GGTA1: variants seen among roughly 807,000 people sequenced by gnomAD.
GGTA1 encodes glycoprotein alpha-galactosyltransferase 1 (inactive), also known as inactive N-acetyllactosaminide alpha-1,3-galactosyltransferase.
Under a neutral mutation model 2.6 loss-of-function variants are expected in GGTA1, and 5 were observed. The observed-to-expected ratio is 1.92, with a 90% CI of 1.00 to 4.04. The LOEUF is 4.04. Ranked by LOEUF, GGTA1 falls within the 30% of genes most tolerant of loss-of-function variation. GGTA1 has a pLI of 0.00. For synonymous variants in GGTA1, 17 were observed against 5.0 expected, an observed-to-expected ratio of 3.38 and a Z score of -3.19; for missense variants, 50 against 16.7, an observed-to-expected ratio of 2.99 and a Z score of -3.47.
intron 3 of GGTA1, among the ~76,000 whole-genome samples, chr9:121,462,470 G>A (rs2064969340): frequency 6.6e-6 from 1 of 152,182 alleles, no homozygotes; most frequent in African/African-American, 2.4e-5. Flanking sequence ...CTGTTTTAAA[G>A]CCTATTAACT....
chr9:121,486,482 A>C (rs999095051), intron 1 of GGTA1, among the ~76,000 whole-genome samples: 2 of 152,224 alleles, frequency 1.3e-5, no homozygotes, highest in Admixed American at 6.5e-5. Flanking sequence ...GTCTGGACCC[A>C]GTGAGCCTAG....
intron 2 of GGTA1, among the ~76,000 whole-genome samples, chr9:121,465,210 C>T (rs1019219504): frequency 6.6e-6 from 1 of 152,198 alleles, no homozygotes; most frequent in African/African-American, 2.4e-5. Context: ...GCCTTTGGCT[C>T]AGTTATGCAC....
intron 1 of GGTA1, among the ~76,000 whole-genome samples, chr9:121,495,913 A>G (rs1828982531): frequency 6.6e-6 from 1 of 152,230 alleles, no homozygotes; most frequent in South Asian, 2.1e-4. Context: ...TTGGGCAGTT[A>G]AACATGTGAA....
At chr9:121,457,503 A>G (rs1815676) in intron 5 of GGTA1, among the ~76,000 whole-genome samples, 142,923 of 151,964 alleles carry the variant, frequency 0.94, 67,568 homozygotes, top group Non-Finnish European at 0.99. Context: ...GATTGAGACC[A>G]CCCTGGCTAA....
chr9:121,475,127 A>G (rs1052186370), intron 1 of GGTA1, among the ~76,000 whole-genome samples: 1 of 152,184 alleles, frequency 6.6e-6, no homozygotes, highest in Non-Finnish European at 1.5e-5. Flanking sequence ...GATACATGTC[A>G]TAAAGACCTT....
intron 1 of GGTA1, among the ~76,000 whole-genome samples, chr9:121,469,187 G>T (rs560556514): frequency 6.6e-6 from 1 of 152,336 alleles, no homozygotes; most frequent in East Asian, 1.9e-4. Context: ...GGTGATCAGG[G>T]AAGGCTCACT....
chr9:121,487,127 G>A (rs1041884236), intron 1 of GGTA1, among the ~76,000 whole-genome samples: 2 of 152,160 alleles, frequency 1.3e-5, no homozygotes, highest in Non-Finnish European at 2.9e-5. Context: ...GCCACCAGCT[G>A]CACCCAGATT....
At chr9:121,453,682 A>G (rs1022719773), downstream of GGTA1, among the ~76,000 whole-genome samples, 10 of 152,196 alleles carry the variant, frequency 6.6e-5, no homozygotes, top group Non-Finnish European at 1.5e-4. Flanking sequence ...GGTGATCCCT[A>G]CTGGCTGCAC....
intron 1 of GGTA1, among the ~76,000 whole-genome samples, chr9:121,497,602 C>T (rs561965876): frequency 3.9e-5 from 6 of 152,114 alleles, no homozygotes; most frequent in Middle Eastern, 3.4e-3. Context: ...GAAGGCTGGA[C>T]GAAGGCAGGG....
At chr9:121,457,943 T>C (rs1336631805) in intron 5 of GGTA1, among the ~76,000 whole-genome samples, 1 of 149,644 alleles carries the variant, frequency 6.7e-6, no homozygotes, top group Non-Finnish European at 1.5e-5. Context: ...AGAGTTTCGC[T>C]TTGTTGCCCA....
At chr9:121,446,410 C>T (rs1199226631) in exon 8 of GGTA1, 1 of 152,264 alleles carries the variant, frequency 6.6e-6, no homozygotes, top group Non-Finnish European at 1.5e-5. Flanking sequence ...TACAGATGGT[C>T]TGAAGCAATC....
intron 4 of GGTA1, among the ~76,000 whole-genome samples, chr9:121,460,470 G>A (rs1439567717): frequency 6.6e-6 from 1 of 152,112 alleles, no homozygotes; most frequent in Non-Finnish European, 1.5e-5. Flanking sequence ...CAACCCTCAG[G>A]TTATTTCAGG....
At chr9:121,465,415 G>A (rs1008378227) in intron 2 of GGTA1, among the ~76,000 whole-genome samples, 1 of 152,228 alleles carries the variant, frequency 6.6e-6, no homozygotes, top group Non-Finnish European at 1.5e-5. Flanking sequence ...CTCTGGAGCA[G>A]ATCATGATGA....
intron 1 of GGTA1, among the ~76,000 whole-genome samples, chr9:121,481,638 C>T (rs1437895337): frequency 7.8e-6 from 1 of 128,210 alleles, no homozygotes; most frequent in Non-Finnish European, 1.6e-5. Flanking sequence ...GCCAAGATTG[C>T]GCCACTGCTC....
rs1554835873 is a variant in GGTA1, at chr9:121,449,859, A to AG, written c.*119-2263dup. Among the ~76,000 whole-genome samples, 1,020 of 133,344 alleles carry AG rather than the reference A, an allele frequency of 7.6e-3. 13 individuals carry two copies. Among genetic ancestry groups the AG allele is most frequent in the African/African-American group, 0.026 (968 of 36,914 alleles). The allele number at this position is 133,344 out of a possible 152,430, so 87.5% of individuals were successfully genotyped here. ...CATCTCAAAAAAAAAAAAAAAAAAA[A>AG]GAAGAAGAAGAAGAAAAGAAAAACA... On this transcript the variant is annotated intron_variant and NMD_transcript_variant, in intron 7 of 7. Transcript: ENST00000481534.
intron 5 of GGTA1, among the ~76,000 whole-genome samples, chr9:121,458,662 A>AAATG (rs1370782445): frequency 2.8e-5 from 4 of 145,274 alleles, no homozygotes; most frequent in Non-Finnish European, 6.1e-5. Flanking sequence ...ATAAATAAAT[A>AAATG]AAGGATAAGA....
intron 1 of GGTA1, among the ~76,000 whole-genome samples, chr9:121,486,518 A>C (rs966472282): frequency 6.6e-6 from 1 of 152,182 alleles, no homozygotes; most frequent in Admixed American, 6.5e-5. Context: ...CCTCTGGGCC[A>C]GGGTTTCCCA....
chr9:121,473,360 C>T (rs534870605), intron 1 of GGTA1, among the ~76,000 whole-genome samples: 27 of 151,004 alleles, frequency 1.8e-4, no homozygotes, highest in South Asian at 1.1e-3. Flanking sequence ...GGAAGCCGTC[C>T]GAACGAGCCA....
At chr9:121,473,433 C>A (rs1262050954) in intron 1 of GGTA1, among the ~76,000 whole-genome samples, 1 of 152,008 alleles carries the variant, frequency 6.6e-6, no homozygotes, top group Non-Finnish European at 1.5e-5. Flanking sequence ...AATCTGGAAT[C>A]CAAGCCTCCA....
Sources: allele counts gnomAD v4.1 joint callset (sites outside exome capture counted in the v4.1 genomes callset), GRCh38; gene constraint gnomAD v4.1.1; transcripts MANE v1.5; gene names NCBI Gene and HGNC (gene_info 2026-07-23, HGNC 2026-07-21).